CEP126: variants seen among roughly 807,000 people sequenced by gnomAD.
CEP126 encodes centrosomal protein 126.
A neutral mutation model predicts 107.8 loss-of-function variants in CEP126; 74 were observed. That is an observed-to-expected ratio of 0.69 (90% CI 0.57 to 0.83). The LOEUF (loss-of-function observed/expected upper bound fraction) is 0.83, where lower values mean the gene tolerates loss of function less well. Ranked by LOEUF, CEP126 falls within the 40% of genes least tolerant of loss-of-function variation. The pLI is 0.00. For synonymous variants in CEP126, 449 were observed against 446.0 expected (o/e 1.01, Z -0.08); for missense variants, 1,237 against 1,281.9 (o/e 0.96, Z 0.53).
intron 6 of CEP126, among the ~76,000 whole-genome samples, chr11:101,975,997 T>G (rs1941188451): frequency 6.6e-6 from 1 of 152,196 alleles, no homozygotes; most frequent in Non-Finnish European, 1.5e-5. Flanking sequence ...GACATTTAGG[T>G]TGATTCCATG....
Position 101,997,698 on chromosome 11 carries a change from C to A in CEP126, c.*55C>A. On this transcript the variant is annotated 3_prime_UTR_variant, in exon 11 of 11. Transcript: ENST00000263468. ...TCATGTACTTCCCTAGGACTAGATGCATACCGTTTTGTGAAAACCAGCCAT... is the reference window on the plus strand; with the variant it reads ...TCATGTACTTCCCTAGGACTAGATGAATACCGTTTTGTGAAAACCAGCCAT... The A allele has an allele frequency of 6.2e-7, 1 of 1,608,604 alleles. No individual in the cohort carries two copies. Among genetic ancestry groups the A allele is most frequent in the Non-Finnish European group, 8.5e-7 (1 of 1,177,342 alleles).
Position 101,915,094 on chromosome 11 carries a change from G to C in CEP126, c.-191G>C, listed in dbSNP as rs1940170223. ...GCCCGGCGAGGTCGCCGCTGCCTCA[G>C]CTGCCATCGCCGCTACAGGCACCAG... On this transcript the variant is annotated 5_prime_UTR_variant, in exon 1 of 11. Transcript: ENST00000263468. The C allele has an allele frequency of 2.6e-6, 2 of 774,108 alleles. No individual in the cohort carries two copies. Among genetic ancestry groups the C allele is most frequent in the East Asian group, 5.9e-5 (2 of 33,836 alleles). 48.0% of individuals were successfully genotyped at this position (774,108 alleles called of 1,614,324 possible).
intron 4 of CEP126, among the ~76,000 whole-genome samples, chr11:101,953,141 A>T (rs998411957): frequency 2.0e-5 from 3 of 152,232 alleles, no homozygotes; most frequent in Non-Finnish European, 4.4e-5. Context: ...TAATGGCTCC[A>T]TATGAATTTC....
rs149649746 is a variant in CEP126 at position 101,941,285 on chromosome 11, G to A, written c.249-2980G>A. 6.3e-4 allele frequency among the ~76,000 whole-genome samples: 96 copies of A among 152,058 alleles called. 1 individual carries two copies. The East Asian group carries it at 9.7e-3, about 15-fold the overall frequency. ...CCAACTGGAATTCTGTACCCATTAA[G>A]CACTAACTCCCCATGCTACCCTCCC... On this transcript the variant is annotated intron_variant, in intron 2 of 10. Transcript: ENST00000263468.
rs1001644314 is a variant in CEP126 at position 101,915,346 on chromosome 11, A to G, written c.62A>G (p.Asp21Gly). ...AVGELGTESSDNLDRAPLGPR... is the reference protein window; with the variant it reads ...AVGELGTESSGNLDRAPLGPR... ...GGGGAACTGGGCACTGAATCATCGG[A>G]CAACCTCGACAGAGCCCCCCTCGGC... is the stretch of plus-strand genomic sequence containing the variant. The change falls in exon 1 of 11, where the codon GAC (aspartate) becomes GGC (glycine). Residue 21 changes from aspartate (D) to glycine (G), a missense_variant. This residue lies in a region of CEP126 where 1,134 missense variants were observed against 1,150.5 expected (regional missense o/e 0.99). Transcript: ENST00000263468. 6.2e-7 allele frequency: 1 copy of G among 1,613,818 alleles called. No homozygotes were observed. The highest frequency in any genetic ancestry group is 8.5e-7 in the Non-Finnish European group (1 of 1,179,976).
intron 2 of CEP126, among the ~76,000 whole-genome samples, chr11:101,927,758 T>C (rs930275493): frequency 2.0e-5 from 3 of 152,120 alleles, no homozygotes; most frequent in Non-Finnish European, 2.9e-5. Context: ...GCTGAATATT[T>C]ATTATTATTA....
intron 6 of CEP126, among the ~76,000 whole-genome samples, chr11:101,971,907 G>A (rs1242120193): frequency 2.0e-5 from 3 of 151,930 alleles, no homozygotes; most frequent in Admixed American, 6.6e-5. Flanking sequence ...CCAGGAGTTT[G>A]AGACCAGCCT....
In CEP126 at chr11:101,948,024, T is replaced by C. The variant is rs1465082569; in HGVS notation, c.395-7T>C. Reference sequence around the variant, plus strand: ...TCTGTACTGTTCGGTCTTTATTATCTCTTTAGTTTCCCGAAAACCAGTTCC... The same window carrying C: ...TCTGTACTGTTCGGTCTTTATTATCCCTTTAGTTTCCCGAAAACCAGTTCC... On this transcript the variant is annotated splice_polypyrimidine_tract_variant and splice_region_variant and intron_variant, in intron 3 of 10. Transcript: ENST00000263468. The C allele has an allele frequency of 3.9e-6, 6 of 1,554,858 alleles. No homozygotes were observed. Among genetic ancestry groups the C allele is most frequent in the Non-Finnish European group, 5.3e-6 (6 of 1,128,144 alleles).
At chr11:101,916,680 G>A (rs1940220217) in intron 1 of CEP126, among the ~76,000 whole-genome samples, 1 of 152,068 alleles carries the variant, frequency 6.6e-6, no homozygotes. Flanking sequence ...GCTATTACAC[G>A]ACCCTGATTT....
At chr11:101,970,316 A>G (rs1941110647) in intron 6 of CEP126, among the ~76,000 whole-genome samples, 1 of 152,248 alleles carries the variant, frequency 6.6e-6, no homozygotes, top group Admixed American at 6.5e-5. Flanking sequence ...ACCTCACACC[A>G]TAATATTGTG....
At chr11:101,951,072 G>T (rs61534871) in intron 4 of CEP126, among the ~76,000 whole-genome samples, 4,261 of 152,262 alleles carry the variant, frequency 0.028, 83 homozygotes, top group African/African-American at 0.052. Context: ...GTGAAGAAAG[G>T]ATGGCTCTGA....
rs59197385 is a variant in CEP126, at chr11:101,954,020, T to TTTTGTTTGTTTG, written c.507-4132_507-4121dup. 6.9e-3 allele frequency among the ~76,000 whole-genome samples: 1,036 copies of TTTTGTTTGTTTG among 149,600 alleles called. 12 individuals are homozygous for TTTTGTTTGTTTG. Among genetic ancestry groups the TTTTGTTTGTTTG allele is most frequent in the African/African-American group, 0.015 (625 of 40,468 alleles). On this transcript the variant is annotated intron_variant, in intron 4 of 10. Transcript: ENST00000263468. ...TTATGTTAATTGAATTATTTTCCTT[T>TTTTGTTTGTTTG]TTTGTTTGTTTGTTTGTTTGTTTGT... is the stretch of plus-strand genomic sequence containing the variant.
intron 10 of CEP126, 127 bp from the exon 11 acceptor site, chr11:101,997,472 A>C: frequency 4.8e-6 from 7 of 1,455,260 alleles, no homozygotes; most frequent in Non-Finnish European, 5.6e-6. Flanking sequence ...TGCAATCTTA[A>C]ACTCATTACC....
chr11:101,958,346 C>G lies in CEP126; in HGVS notation c.685C>G (p.Gln229Glu), dbSNP rs1351688266. The change falls in exon 5 of 11, where the codon CAA (glutamine) becomes GAA (glutamate). Residue 229 changes from glutamine to glutamate, a missense_variant. Physicochemically the swap from Gln to Glu is conservative, Grantham distance 29. This residue lies in a region of CEP126 where 1,134 missense variants were observed against 1,150.5 expected (regional missense o/e 0.99). Coordinates refer to ENST00000263468, the MANE Select transcript of CEP126 (RefSeq NM_020802.4). ...GGAAACTCAGAAACTCCTCGAAGAT[C>G]AACATCTAAGCAATTTGCAAGTATG... ...LEETQKLLED[Q>E]HLSNLQKFCD... 1 of 1,613,668 alleles carries G rather than the reference C, an allele frequency of 6.2e-7. No homozygotes were observed. Among genetic ancestry groups the G allele is most frequent in the East Asian group, 2.2e-5 (1 of 44,836 alleles).
At position 101,915,082 on chromosome 11, in the gene CEP126, G is replaced by T; in HGVS notation, c.-203G>T. The T allele has an allele frequency of 1.5e-6, 1 of 667,706 alleles. No individual in the cohort carries two copies. Among genetic ancestry groups the T allele is most frequent in the Non-Finnish European group, 2.3e-6 (1 of 428,630 alleles). The allele number at this position is 667,706 out of a possible 1,614,324, so 41.4% of individuals were successfully genotyped here. ...CCATCTGCTATTGCCCGGCGAGGTC[G>T]CCGCTGCCTCAGCTGCCATCGCCGC... On this transcript the variant is annotated 5_prime_UTR_variant, in exon 1 of 11. Coordinates refer to ENST00000263468, the MANE Select transcript of CEP126 (RefSeq NM_020802.4).
chr11:101,987,086 C>A, intron 9 of CEP126, 45 bp downstream of exon 9: 1 of 1,264,180 alleles, frequency 7.9e-7, no homozygotes, highest in Non-Finnish European at 1.1e-6. Context: ...TGCATTTATA[C>A]TTAGACAATT....
intron 2 of CEP126, among the ~76,000 whole-genome samples, chr11:101,924,373 A>C (rs753473476): frequency 3.9e-5 from 6 of 152,000 alleles, no homozygotes; most frequent in Admixed American, 1.3e-4. Flanking sequence ...TACATCATTT[A>C]AGTTTATGCT....
chr11:101,990,523 C>T lies in CEP126; in HGVS notation c.3245-2255C>T, dbSNP rs547494112. ...GGTATCCTACTGTTGGTGGGAGGGT[C>T]TAAAATTCTCTTGTACAAAACCTGC... On this transcript the variant is annotated intron_variant, in intron 9 of 10. Transcript: ENST00000263468. Among the ~76,000 whole-genome samples, 3 of 152,126 alleles carry T rather than the reference C, an allele frequency of 2.0e-5. No homozygotes were observed. The South Asian group carries it at 6.3e-4, about 32-fold the overall frequency.
At position 101,922,727 on chromosome 11, in the gene CEP126, G is replaced by A. The variant is rs78220060; in HGVS notation, c.215G>A (p.Arg72His). 6.9e-5 allele frequency: 111 copies of A among 1,612,430 alleles called. No individual in the cohort carries two copies. In the East Asian group the frequency reaches 1.7e-3, roughly 25 times the overall value. Residue 72 changes from arginine (R) to histidine (H), a missense_variant, in exon 2 of 11, where the codon CGT becomes CAT. Transcript: ENST00000263468. ...QQQKICRNRA[R>H]KYFVESNRRK... ...CAAAAAATATGTCGAAATCGAGCAC[G>A]TAAATATTTTGTGGAGTCAAATCGG...
Sources: gnomAD v4.1 joint callset for allele counts (sites outside exome capture counted in the v4.1 genomes callset) on GRCh38, gnomAD v4.1.1 for gene constraint, gnomAD v4.1.1 regional missense constraint, MANE v1.5 for transcripts, NCBI Gene and HGNC (gene_info 2026-07-23, HGNC 2026-07-21) for gene names.